Variants in CCSER1 observed in about 807,000 individuals in gnomAD.
The protein encoded by CCSER1 is serine-rich coiled-coil domain-containing protein 1.
A neutral mutation model predicts 82.0 loss-of-function variants in CCSER1; 41 were observed. The ratio of observed to expected loss-of-function variants is 0.50; its 90% CI spans 0.39 to 0.65. The LOEUF (loss-of-function observed/expected upper bound fraction) is 0.65. CCSER1 is among the 30% of genes least tolerant of loss of function. CCSER1 has a pLI of 0.00. For missense variants in CCSER1, 1,119 were observed against 1,064.2 expected (o/e 1.05, Z -0.72); for synonymous variants, 414 against 383.9 (o/e 1.08, Z -0.92).
chr4:91,338,701 T>C (rs899173779), intron 10 of CCSER1, among the ~76,000 whole-genome samples: 1 of 152,178 alleles, frequency 6.6e-6, no homozygotes, highest in African/African-American at 2.4e-5. Context: ...ATTATGCACA[T>C]TAAGTAATTT....
intron 1 of CCSER1, among the ~76,000 whole-genome samples, chr4:90,229,847 A>G (rs1486934446): frequency 6.6e-6 from 1 of 152,192 alleles, no homozygotes; most frequent in Non-Finnish European, 1.5e-5. Context: ...CAGACTTTAA[A>G]CCAACAAAGA....
At chr4:91,542,174 A>C (rs974040691) in intron 10 of CCSER1, among the ~76,000 whole-genome samples, 5 of 152,124 alleles carry the variant, frequency 3.3e-5, no homozygotes, top group South Asian at 2.1e-4. Flanking sequence ...CCCATTCTGT[A>C]GGTTGCCTGT....
chr4:90,637,243 C>T (rs1373082446), intron 6 of CCSER1, among the ~76,000 whole-genome samples: 1 of 152,114 alleles, frequency 6.6e-6, no homozygotes, highest in Non-Finnish European at 1.5e-5. Flanking sequence ...GGACTCAGTT[C>T]TTCACTGCTG....
intron 10 of CCSER1, among the ~76,000 whole-genome samples, chr4:91,303,116 C>A (rs1235503027): frequency 6.6e-6 from 1 of 151,932 alleles, no homozygotes; most frequent in Non-Finnish European, 1.5e-5. Context: ...TGTGGGAGGA[C>A]ATAAAATGAT....
At chr4:91,582,626 T>TAAACCTAAATAG (rs1763787281) in intron 10 of CCSER1, among the ~76,000 whole-genome samples, 1 of 151,560 alleles carries the variant, frequency 6.6e-6, no homozygotes, top group Non-Finnish European at 1.5e-5. Flanking sequence ...TCATATTGAC[T>TAAACCTAAATAG]ATCTATTTAG....
At chr4:91,559,167 T>C (rs1762543180) in intron 10 of CCSER1, among the ~76,000 whole-genome samples, 1 of 151,648 alleles carries the variant, frequency 6.6e-6, no homozygotes, top group Admixed American at 6.6e-5. Flanking sequence ...AATCCCATTT[T>C]TTTTGAGAAT....
chr4:90,946,991 C>A (rs942534416), intron 9 of CCSER1, among the ~76,000 whole-genome samples: 1 of 151,660 alleles, frequency 6.6e-6, no homozygotes, highest in East Asian at 1.9e-4. Context: ...ACTGGTGGAA[C>A]AATCCTCCTC....
chr4:90,767,719 G>C (rs1333706832), intron 7 of CCSER1, among the ~76,000 whole-genome samples: 1 of 152,072 alleles, frequency 6.6e-6, no homozygotes, highest in East Asian at 1.9e-4. Flanking sequence ...CTGTCACCCA[G>C]GCTGGAGTGC....
chr4:90,647,748 T>G (rs747911122), intron 6 of CCSER1, among the ~76,000 whole-genome samples: 118 of 152,278 alleles, frequency 7.7e-4, no homozygotes, highest in Non-Finnish European at 1.3e-3. Context: ...ATAGTTTATT[T>G]TACATTTGTT....
intron 9 of CCSER1, among the ~76,000 whole-genome samples, chr4:91,059,455 T>TTATATATATATATATA (rs56706370): frequency 6.9e-6 from 1 of 145,786 alleles, no homozygotes; most frequent in Non-Finnish European, 1.5e-5. Context: ...TTTATTAAGG[T>TTATATATATATATATA]TATATATATA....
intron 1 of CCSER1, among the ~76,000 whole-genome samples, chr4:90,166,587 A>G (rs535870670): frequency 6.6e-6 from 1 of 152,162 alleles, no homozygotes; most frequent in South Asian, 2.1e-4. Context: ...CATTCGTATA[A>G]TAAAATGCCT....
intron 10 of CCSER1, among the ~76,000 whole-genome samples, chr4:91,446,667 A>G (rs1755580089): frequency 1.7e-5 from 1 of 59,620 alleles, no homozygotes; most frequent in African/African-American, 5.9e-5. Flanking sequence ...TATATATTTT[A>G]AATAAATAAA....
At chr4:91,181,773 TG>T (rs767181262) in intron 10 of CCSER1, among the ~76,000 whole-genome samples, 1 of 152,220 alleles carries the variant, frequency 6.6e-6, no homozygotes, top group Non-Finnish European at 1.5e-5. Flanking sequence ...TTTTTCTAAC[TG>T]GGTCCAAGCC....
chr4:91,017,810 A>ATT (rs1242855212), intron 9 of CCSER1, among the ~76,000 whole-genome samples: 1 of 95,670 alleles, frequency 1.0e-5, no homozygotes, highest in East Asian at 2.9e-4. Flanking sequence ...TGGTTTTTAA[A>ATT]TTGTGTGTGT....
At chr4:90,581,902 A>C (rs1781455466) in intron 5 of CCSER1, among the ~76,000 whole-genome samples, 1 of 152,064 alleles carries the variant, frequency 6.6e-6, no homozygotes, top group South Asian at 2.1e-4. Context: ...ATTTTTTCAC[A>C]AGAGTGGTAG....
chr4:91,564,938 T>C (rs112310820), intron 10 of CCSER1, among the ~76,000 whole-genome samples: 77 of 152,014 alleles, frequency 5.1e-4, no homozygotes, highest in African/African-American at 1.8e-3. Flanking sequence ...CCTTGCCTGT[T>C]CCTGTGTCCA....
chr4:90,495,564 A>G (rs1210171274), intron 5 of CCSER1, among the ~76,000 whole-genome samples: 1 of 152,216 alleles, frequency 6.6e-6, no homozygotes, highest in Non-Finnish European at 1.5e-5. Context: ...ACTCTAAAAT[A>G]TAATACAATT....
chr4:90,704,827 G>T (rs190799297), intron 6 of CCSER1, among the ~76,000 whole-genome samples: 1 of 152,170 alleles, frequency 6.6e-6, no homozygotes, highest in East Asian at 1.9e-4. Context: ...AGCTCCATCA[G>T]GTCATATAAG....
intron 8 of CCSER1, among the ~76,000 whole-genome samples, chr4:90,916,773 G>A (rs1023713721): frequency 2.6e-5 from 4 of 152,036 alleles, no homozygotes; most frequent in African/African-American, 7.2e-5. Flanking sequence ...ATCTGACAAA[G>A]GGCTATTATC....
Sources: gnomAD v4.1 joint callset for allele counts (sites outside exome capture counted in the v4.1 genomes callset) on GRCh38, gnomAD v4.1.1 for gene constraint, MANE v1.5 for transcripts, NCBI Gene and HGNC (gene_info 2026-07-23, HGNC 2026-07-21) for gene names.